ADD2: variants seen among roughly 807,000 people sequenced by gnomAD.
The protein encoded by ADD2 is beta-adducin.
ADD2 carries 23 observed loss-of-function variants against 83.0 expected under a neutral mutation model. The ratio of observed to expected loss-of-function variants is 0.28; its 90% confidence interval spans 0.20 to 0.39. ADD2 has a LOEUF of 0.39. Among genes scored for constraint, ADD2 ranks in the 10% least tolerant of loss-of-function variants. The pLI, the probability that ADD2 is intolerant of heterozygous loss-of-function variation, is 1.00. For synonymous variants in ADD2, 375 were observed against 375.4 expected, an observed-to-expected ratio of 1.00 and a Z score of 0.01; for missense variants, 758 against 944.9, an observed-to-expected ratio of 0.80 and a Z score of 2.59.
intron 1 of ADD2, among the ~76,000 whole-genome samples, chr2:70,725,704 G>A (rs1291036862): frequency 6.6e-6 from 1 of 152,082 alleles, no homozygotes; most frequent in Non-Finnish European, 1.5e-5. Context: ...AGAACTTCTG[G>A]ATGGAGCACA....
intron 15 of ADD2, among the ~76,000 whole-genome samples, chr2:70,670,901 C>T (rs1574217861): frequency 6.6e-6 from 1 of 152,156 alleles, no homozygotes; most frequent in East Asian, 1.9e-4. Context: ...GAAGTATCTT[C>T]AAGACAACTC....
chr2:70,735,277 G>A lies in ADD2; in HGVS notation c.-153-22093C>T, dbSNP rs367690525. On this transcript the variant is annotated intron_variant, in intron 1 of 15. Coordinates refer to ENST00000264436, the MANE Select transcript of ADD2 (RefSeq NM_001617.4). ...CTGTGAACACACAGGATGTTTGCAG[G>A]CAGAGATTTGCATAATGATTAAGTG... 7.2e-5 allele frequency among the ~76,000 whole-genome samples: 11 copies of A among 152,070 alleles called. No homozygotes were observed. In the South Asian group the frequency reaches 2.3e-3, roughly 32 times the overall value.
At chr2:70,675,974 G>T (rs1470397928) in intron 13 of ADD2, 9 of 985,304 alleles carry the variant, frequency 9.1e-6, no homozygotes, top group East Asian at 1.1e-4. Flanking sequence ...GTTGGGGTTG[G>T]GGGGAGGTAA....
At chr2:70,746,064 T>C (rs180991632) in intron 1 of ADD2, among the ~76,000 whole-genome samples, 10 of 152,366 alleles carry the variant, frequency 6.6e-5, no homozygotes, top group Non-Finnish European at 1.0e-4. Context: ...ACTGTCGTTA[T>C]GATAATGACT....
intron 1 of ADD2, among the ~76,000 whole-genome samples, chr2:70,747,111 C>T (rs59450988): frequency 0.048 from 7,175 of 149,372 alleles, 256 homozygotes; most frequent in East Asian, 0.17. Context: ...CCCAGGTTCA[C>T]GCCATTCTCC....
intron 12 of ADD2, among the ~76,000 whole-genome samples, chr2:70,677,372 C>T (rs115564507): frequency 0.015 from 2,306 of 152,246 alleles, 51 homozygotes; most frequent in African/African-American, 0.052. Flanking sequence ...CCTGCTACAA[C>T]TGCAGTTTTA....
At chr2:70,699,738 C>T (rs1671492812) in intron 4 of ADD2, among the ~76,000 whole-genome samples, 1 of 152,104 alleles carries the variant, frequency 6.6e-6, no homozygotes. Flanking sequence ...TGTGTTTGCA[C>T]CATTGCTCTC....
intron 4 of ADD2, 58 bp downstream of exon 4, chr2:70,704,263 T>TGGGCCCCCCCCCCCCCCCCCCCC: frequency 7.9e-5 from 72 of 913,190 alleles, no homozygotes; most frequent in East Asian, 2.3e-4. Context: ...CTCCCTCTCT[T>TGGGCCCCCCCCCCCCCCCCCCCC]CCCCACCCCA....
intron 1 of ADD2, among the ~76,000 whole-genome samples, chr2:70,743,961 C>T (rs985927133): frequency 2.1e-4 from 32 of 152,208 alleles, no homozygotes; most frequent in African/African-American, 7.2e-4. Flanking sequence ...CAATCAAATA[C>T]TTATCTTCTA....
Position 70,704,166 on chromosome 2 carries a change from C to A in ADD2, c.322+155G>T, listed in dbSNP as rs1671763984. Reference sequence around the variant, plus strand: ...ACATCAGAAGCAGAGCCAGGTACCTCTCTGGCTGCTGCTGAGCTCCCCAAG... The same window carrying A: ...ACATCAGAAGCAGAGCCAGGTACCTATCTGGCTGCTGCTGAGCTCCCCAAG... On this transcript the variant is annotated intron_variant, in intron 4 of 15. Transcript: ENST00000264436. 2.0e-5 allele frequency among the ~76,000 whole-genome samples: 3 copies of A among 152,182 alleles called. No homozygotes were observed. The South Asian group carries it at 6.2e-4, about 32-fold the overall frequency.
In ADD2 at chr2:70,706,322, G is replaced by C; in HGVS notation, c.87C>G (p.Pro29=). The change falls in exon 3 of 16, where the codon CCC becomes CCG. Residue 29 remains proline (P), a synonymous_variant. Coordinates refer to ENST00000264436, the MANE Select transcript of ADD2 (RefSeq NM_001617.4). The surrounding 1 kb of genome is among the most constrained non-coding windows in gnomAD (Gnocchi z 5.0). ...CCCGGTTGCGAAGGCGCATGTACTCGGGGTCGTCCTCTGAGAAGCGGTCAA... is the reference window on the plus strand; with the variant it reads ...CCCGGTTGCGAAGGCGCATGTACTCCGGGTCGTCCTCTGAGAAGCGGTCAA... ...PYFDRFSEDD[P]EYMRLRNRAA... 1 of 1,614,034 alleles carries C rather than the reference G, an allele frequency of 6.2e-7. No homozygotes were observed.
intron 4 of ADD2, among the ~76,000 whole-genome samples, chr2:70,702,426 C>CA (rs1349372901): frequency 6.6e-6 from 1 of 152,182 alleles, no homozygotes; most frequent in African/African-American, 2.4e-5. Context: ...TTTGGCCTCC[C>CA]AAAGTGCTGG....
intron 1 of ADD2, among the ~76,000 whole-genome samples, chr2:70,757,329 G>C (rs1674847414): frequency 6.6e-6 from 1 of 151,948 alleles, no homozygotes; most frequent in African/African-American, 2.4e-5. Context: ...CCTTTTATTA[G>C]AAGCCCTTCA....
At chr2:70,697,115 G>A (rs1243902371) in intron 4 of ADD2, among the ~76,000 whole-genome samples, 7 of 152,168 alleles carry the variant, frequency 4.6e-5, no homozygotes, top group African/African-American at 1.7e-4. Context: ...ACCACTGCAC[G>A]CCAGCCTGGG....
chr2:70,683,504 T>G (rs1670566091), intron 10 of ADD2, 87 bp downstream of exon 10: 1 of 1,392,262 alleles, frequency 7.2e-7, no homozygotes, highest in East Asian at 2.5e-5. Context: ...TGGCAATTCT[T>G]GTGCCCACCT....
chr2:70,731,234 A>G (rs534788459), intron 1 of ADD2, among the ~76,000 whole-genome samples: 2 of 152,222 alleles, frequency 1.3e-5, no homozygotes, highest in East Asian at 3.9e-4. Context: ...CCAAAGAGAA[A>G]AGGAGGAAGA....
chr2:70,691,042 G>T (rs782044235), intron 7 of ADD2, 113 bp from the exon 8 acceptor site: 4 of 1,347,396 alleles, frequency 3.0e-6, no homozygotes, highest in Non-Finnish European at 3.9e-6. Context: ...TGAGGAGTGA[G>T]GGGTGAGGTT....
chr2:70,689,028 C>G (rs1456708115), intron 8 of ADD2, among the ~76,000 whole-genome samples: 2 of 152,028 alleles, frequency 1.3e-5, no homozygotes, highest in Non-Finnish European at 1.5e-5. Context: ...TCACTTGAAC[C>G]TGGGGGCTGC....
intron 4 of ADD2, among the ~76,000 whole-genome samples, chr2:70,697,199 A>G (rs1361048064): frequency 6.6e-6 from 1 of 152,200 alleles, no homozygotes; most frequent in Admixed American, 6.5e-5. Context: ...AACTTCCTCA[A>G]GTTTTTCTAA....
Sources: gnomAD v4.1 joint callset for allele counts (sites outside exome capture counted in the v4.1 genomes callset) on GRCh38, gnomAD v4.1.1 for gene constraint, Gnocchi (gnomAD v3.1) non-coding constraint, MANE v1.5 for transcripts, NCBI Gene and HGNC (gene_info 2026-07-23, HGNC 2026-07-21) for gene names.